OLFM3: variants seen among roughly 807,000 people sequenced by gnomAD.
OLFM3 encodes the protein noelin-3.
Under a neutral mutation model 48.6 loss-of-function variants are expected in OLFM3, and 20 were observed. That is an observed-to-expected ratio of 0.41 (90% CI 0.29 to 0.60). OLFM3 has a LOEUF of 0.60. Ranked by LOEUF, OLFM3 falls within the 20% of genes least tolerant of loss-of-function variation. OLFM3 has a pLI of 0.28. For missense variants in OLFM3, 437 were observed against 544.3 expected (o/e 0.80, Z 1.96); for synonymous variants, 222 against 198.1 (o/e 1.12, Z -1.01).
In OLFM3 at chr1:101,874,490, T is replaced by TATA. The variant is rs71310157; in HGVS notation, c.70-37468_70-37466dup. Among the ~76,000 whole-genome samples, 281 of 149,808 alleles carry TATA rather than the reference T, an allele frequency of 1.9e-3. 3 individuals carry two copies. The highest frequency in any genetic ancestry group is 4.6e-3 in the South Asian group (22 of 4,794). On this transcript the variant is annotated intron_variant, in intron 1 of 5. Coordinates refer to ENST00000370103, the MANE Select transcript of OLFM3 (RefSeq NM_058170.4). ...TACAGTATAATAAGAATTCTAATAA[T>TATA]ATAATAATAATAATAATAGTAACAG...
intron 1 of OLFM3, among the ~76,000 whole-genome samples, chr1:101,925,343 T>C (rs946578003): frequency 2.0e-5 from 3 of 152,076 alleles, no homozygotes; most frequent in African/African-American, 4.8e-5. Context: ...TAATGAAATA[T>C]CACTGTCTTT....
rs538920729 is a variant in OLFM3, at chr1:101,820,919, T to C, written c.592+4107A>G. On this transcript the variant is annotated intron_variant, in intron 4 of 5. Coordinates refer to ENST00000370103, the MANE Select transcript of OLFM3 (RefSeq NM_058170.4). ...TGGGTTGAGAAGCATTTGTGTAGAG[T>C]GAAGATGTCTTTGATGAATAAGCCT... Among the ~76,000 whole-genome samples, 8 of 152,180 alleles carry C rather than the reference T, an allele frequency of 5.3e-5. No individual in the cohort carries two copies. In the South Asian group the frequency reaches 1.7e-3, roughly 32 times the overall value.
chr1:101,933,925 C>T (rs1659533921), intron 1 of OLFM3, among the ~76,000 whole-genome samples: 1 of 152,156 alleles, frequency 6.6e-6, no homozygotes, highest in Non-Finnish European at 1.5e-5. Flanking sequence ...TAAGGGACTT[C>T]ATTAACACCT....
At chr1:101,807,258 C>T (rs1427918071) in intron 4 of OLFM3, among the ~76,000 whole-genome samples, 1 of 151,730 alleles carries the variant, frequency 6.6e-6, no homozygotes, top group Admixed American at 6.6e-5. Flanking sequence ...ATTTATTAAT[C>T]ATACACATTG....
intron 1 of OLFM3, among the ~76,000 whole-genome samples, chr1:101,878,299 T>C (rs1389957755): frequency 6.6e-6 from 1 of 151,902 alleles, no homozygotes; most frequent in East Asian, 1.9e-4. Context: ...TGGTAGACAA[T>C]GATGGTGCAG....
At chr1:101,923,669 TAA>T (rs935595635) in intron 1 of OLFM3, among the ~76,000 whole-genome samples, 11 of 152,128 alleles carry the variant, frequency 7.2e-5, no homozygotes, top group Non-Finnish European at 1.5e-4. Flanking sequence ...TCAGAAAATC[TAA>T]GTCTCTAAAA....
At chr1:101,953,222 A>G (rs6685666) in intron 1 of OLFM3, among the ~76,000 whole-genome samples, 79,458 of 151,942 alleles carry the variant, frequency 0.52, 21,170 homozygotes, top group Middle Eastern at 0.62. Flanking sequence ...AATTACATAT[A>G]TGGCTCACAT....
At chr1:101,914,834 C>T (rs1427707224) in intron 1 of OLFM3, among the ~76,000 whole-genome samples, 6 of 152,088 alleles carry the variant, frequency 3.9e-5, no homozygotes, top group African/African-American at 1.4e-4. Context: ...TCATGGAGTC[C>T]ATCTATAAAA....
At chr1:101,847,285 T>C (rs1011881566) in intron 1 of OLFM3, among the ~76,000 whole-genome samples, 1 of 152,106 alleles carries the variant, frequency 6.6e-6, no homozygotes, top group South Asian at 2.1e-4. Context: ...AGCTCCACTT[T>C]AGTTAGTTAC....
intron 1 of OLFM3, among the ~76,000 whole-genome samples, chr1:101,967,384 T>C (rs1458457320): frequency 6.6e-6 from 1 of 151,888 alleles, no homozygotes; most frequent in Admixed American, 6.6e-5. Context: ...CAGTCTAAGC[T>C]GCTGTAGCAA....
At chr1:101,815,046 T>G (rs1180889288) in intron 4 of OLFM3, among the ~76,000 whole-genome samples, 1 of 152,204 alleles carries the variant, frequency 6.6e-6, no homozygotes, top group Non-Finnish European at 1.5e-5. Context: ...ATTTGGATTT[T>G]ATTCTACGAA....
Position 101,830,728 on chromosome 1 carries a change from C to T in OLFM3, c.316G>A (p.Ala106Thr), listed in dbSNP as rs769275786. The T allele has an allele frequency of 3.1e-6, 5 of 1,614,134 alleles. No homozygotes were observed. The highest frequency in any genetic ancestry group is 4.2e-6 in the Non-Finnish European group (5 of 1,180,010). The change falls in exon 3 of 6, where the codon GCA becomes ACA. Residue 106 changes from alanine to threonine, a missense_variant. Ala to Thr is a moderately conservative substitution (Grantham distance 58, BLOSUM62 0). Transcript: ENST00000370103. ...KMETQMKGLKAKFRQIEDDRK... is the reference protein window; with the variant it reads ...KMETQMKGLKTKFRQIEDDRK... ...TCATCTTCAATCTGCCGAAATTTTG[C>T]CTTCAGCCCTTTCATTTGGGTTTCC...
At chr1:101,915,743 C>A (rs1286215581) in intron 1 of OLFM3, among the ~76,000 whole-genome samples, 1 of 152,138 alleles carries the variant, frequency 6.6e-6, no homozygotes, top group Non-Finnish European at 1.5e-5. Flanking sequence ...GGCATCCTTT[C>A]AGAAGTTATT....
In OLFM3 at chr1:101,804,883, TTTA is replaced by T. The variant is rs752588691; in HGVS notation, c.729_731del (p.Asn243del). 1 of 1,611,662 alleles carries T rather than the reference TTTA, an allele frequency of 6.2e-7. No individual in the cohort carries two copies. The highest frequency in any genetic ancestry group is 8.5e-7 in the Non-Finnish European group (1 of 1,178,692). Reference sequence around the variant, plus strand: ...CAATTGATTTGTATTCACGAACAATTTTATTGTTAGTATAACTGTCCATGTACC... The same window carrying T: ...CAATTGATTTGTATTCACGAACAATTTTGTTAGTATAACTGTCCATGTACC... On this transcript the variant is annotated inframe_deletion, in exon 6 of 6. Coordinates refer to ENST00000370103, the MANE Select transcript of OLFM3 (RefSeq NM_058170.4). This position sits in a 1 kb window ranked among gnomAD's most constrained non-coding sequence, Gnocchi z 4.5.
chr1:101,868,457 C>G (rs552622979), intron 1 of OLFM3, among the ~76,000 whole-genome samples: 3 of 152,166 alleles, frequency 2.0e-5, no homozygotes, highest in Non-Finnish European at 1.5e-5. Context: ...TGCCCCAGCC[C>G]TAAAGATCTG....
intron 3 of OLFM3, among the ~76,000 whole-genome samples, chr1:101,828,034 G>GTC (rs1557691370): frequency 1.3e-5 from 1 of 76,604 alleles, no homozygotes; most frequent in Non-Finnish European, 3.4e-5. Context: ...CTCTCTCTCT[G>GTC]TCTGTCTGTC....
intron 1 of OLFM3, among the ~76,000 whole-genome samples, chr1:101,982,809 G>A (rs1661138397): frequency 6.6e-6 from 1 of 152,054 alleles, no homozygotes; most frequent in Admixed American, 6.6e-5. Context: ...TCTCCTTGGT[G>A]TCCAGCTTGC....
At chr1:101,928,410 G>A (rs1401730945) in intron 1 of OLFM3, among the ~76,000 whole-genome samples, 1 of 152,100 alleles carries the variant, frequency 6.6e-6, no homozygotes, top group Non-Finnish European at 1.5e-5. Context: ...TACAAAATGA[G>A]AGAAATAGAT....
chr1:101,843,426 CGCCAGAGGG>C (rs1308152112), intron 1 of OLFM3, among the ~76,000 whole-genome samples: 1 of 152,152 alleles, frequency 6.6e-6, no homozygotes, highest in African/African-American at 2.4e-5. Context: ...TCAAGAGACG[CGCCAGAGGG>C]AGCCTGAGCC....
Sources: allele counts gnomAD v4.1 joint callset (sites outside exome capture counted in the v4.1 genomes callset), GRCh38; gene constraint gnomAD v4.1.1; non-coding constraint Gnocchi (gnomAD v3.1); transcripts MANE v1.5; gene names NCBI Gene and HGNC (gene_info 2026-07-23, HGNC 2026-07-21).